Variants in NMT1 observed in about 807,000 individuals in gnomAD.
NMT1 encodes the protein glycylpeptide N-tetradecanoyltransferase 1.
A neutral mutation model predicts 63.4 loss-of-function variants in NMT1; 12 were observed. That is an observed-to-expected ratio of 0.19 (90% CI 0.12 to 0.31). The LOEUF is 0.31. NMT1 is among the 10% of genes least tolerant of loss of function. The pLI, the probability that NMT1 is intolerant of heterozygous loss-of-function variation, is 1.00. For missense variants in NMT1, 432 were observed against 634.6 expected, an observed-to-expected ratio of 0.68 and a Z score of 3.43; for synonymous variants, 228 against 234.3, an observed-to-expected ratio of 0.97 and a Z score of 0.25.
intron 3 of NMT1, among the ~76,000 whole-genome samples, chr17:45,093,476 T>G (rs761969065): frequency 3.9e-5 from 6 of 152,178 alleles, no homozygotes; most frequent in Non-Finnish European, 7.4e-5. Flanking sequence ...TGGATCCCAG[T>G]GATTGTCCTG....
At chr17:45,090,070 C>T (rs185120022) in intron 3 of NMT1, among the ~76,000 whole-genome samples, 1 of 152,006 alleles carries the variant, frequency 6.6e-6, no homozygotes, top group African/African-American at 2.4e-5. Context: ...ATTGCTTGAG[C>T]CCAGCAGCTC....
chr17:45,073,131 G>A (rs748556838), intron 1 of NMT1, among the ~76,000 whole-genome samples: 6 of 151,976 alleles, frequency 3.9e-5, no homozygotes, highest in Admixed American at 1.3e-4. Flanking sequence ...AGCTGTATAA[G>A]ATGTAGTCTG....
chr17:45,062,206 CA>C (rs1352243130), intron 1 of NMT1, among the ~76,000 whole-genome samples: 1 of 152,168 alleles, frequency 6.6e-6, no homozygotes, highest in African/African-American at 2.4e-5. Context: ...AGGGTCTTGC[CA>C]TTAGTTACTA....
chr17:45,067,576 C>T (rs1487209753), intron 1 of NMT1, among the ~76,000 whole-genome samples: 3 of 152,036 alleles, frequency 2.0e-5, no homozygotes, highest in Admixed American at 2.0e-4. Flanking sequence ...TTTTTTTCTT[C>T]AGCTTCTCCA....
chr17:45,108,607 AG>A lies in NMT1; in HGVS notation c.*2972del, dbSNP rs2054219476. 6.6e-6 allele frequency: 1 copy of A among 152,664 alleles called. No individual in the cohort carries two copies. The highest frequency in any genetic ancestry group is 1.9e-4 in the East Asian group (1 of 5,188). 9.5% of individuals were successfully genotyped at this position (152,664 alleles called of 1,614,324 possible). The stretch of plus-strand genomic sequence containing the variant: ...CATGGAGCTGCACTCTAGGAGAAGG[AG>A]GGGAACCAGATGTTAGATCAGGGGA... On this transcript the variant is annotated 3_prime_UTR_variant, in exon 12 of 12. Coordinates refer to ENST00000258960, the MANE Select transcript of NMT1 (RefSeq NM_021079.5).
intron 7 of NMT1, among the ~76,000 whole-genome samples, 157 bp from the exon 8 acceptor site, chr17:45,099,248 G>A (rs778106946): frequency 6.6e-6 from 1 of 152,206 alleles, no homozygotes; most frequent in African/African-American, 2.4e-5. Flanking sequence ...ACTCACTGTG[G>A]GGAGGGGGAG....
rs554772074 is a variant in NMT1, at chr17:45,105,554, G to T, written c.1471-65G>T. ...CAGCCACTCGGAACTTCAGGGATAG[G>T]GGGTGTGGGAGAGTCTTTGGGCCAC... On this transcript the variant is annotated intron_variant, in intron 11 of 11. Transcript: ENST00000258960. This position sits in a 1 kb window ranked among gnomAD's most constrained non-coding sequence, Gnocchi z 4.2. The T allele has an allele frequency of 4.2e-5, 66 of 1,583,988 alleles. No individual in the cohort carries two copies. The East Asian group carries it at 6.3e-4, about 15-fold the overall frequency.
Position 45,108,208 on chromosome 17 carries a change from A to ACCCAG in NMT1, c.*2569_*2570insCCCAG, listed in dbSNP as rs1300740579. ...CTGCCACCCAGTCCTCCCAGCTGCC[A>ACCCAG]TGTTTCAAAGACGACCTTTACCTCC... On this transcript the variant is annotated 3_prime_UTR_variant, in exon 12 of 12. Coordinates refer to ENST00000258960, the MANE Select transcript of NMT1 (RefSeq NM_021079.5). The ACCCAG allele has an allele frequency of 6.6e-6, 1 of 152,480 alleles. No individual in the cohort carries two copies. Among genetic ancestry groups the ACCCAG allele is most frequent in the Admixed American group, 6.5e-5 (1 of 15,280 alleles). 9.4% of individuals were successfully genotyped at this position (152,480 alleles called of 1,614,324 possible). A position where few individuals can be genotyped will look rare whatever the true frequency, so the allele number is the denominator to read the frequency against.
chr17:45,074,243 CT>C (rs2143465479), intron 1 of NMT1, among the ~76,000 whole-genome samples: 1 of 143,596 alleles, frequency 7.0e-6, no homozygotes, highest in Admixed American at 7.1e-5. Flanking sequence ...GAGACAGAGT[CT>C]CGCTCAGTCG....
At chr17:45,074,835 T>A (rs1466308834) in intron 1 of NMT1, among the ~76,000 whole-genome samples, 5 of 152,204 alleles carry the variant, frequency 3.3e-5, no homozygotes, top group African/African-American at 1.2e-4. Context: ...GCAGCTTAGA[T>A]CTGTGAGAGA....
In NMT1 at chr17:45,106,675, C is replaced by G. The variant is rs780821197; in HGVS notation, c.*1036C>G. On this transcript the variant is annotated 3_prime_UTR_variant, in exon 12 of 12. Transcript: ENST00000258960. ...GTGGCGTGGGGCCAATACCCAGACC[C>G]CTTCAGCCACCAGCCCCTGGCCTGT... 6.5e-6 allele frequency: 1 copy of G among 152,728 alleles called. No individual in the cohort carries two copies. The highest frequency in any genetic ancestry group is 1.5e-5 in the Non-Finnish European group (1 of 68,092). 9.5% of individuals were successfully genotyped at this position (152,728 alleles called of 1,614,324 possible).
Position 45,086,678 on chromosome 17 carries a change from C to T in NMT1, c.385+26C>T, listed in dbSNP as rs530826316. 15 of 1,589,836 alleles carry T rather than the reference C, an allele frequency of 9.4e-6. No individual in the cohort carries two copies. In the East Asian group the frequency reaches 1.6e-4, roughly 17 times the overall value. On this transcript the variant is annotated intron_variant, in intron 3 of 11. Transcript: ENST00000258960. ...GTATGTACATGCTTGCTTTCTTTGCCAGGTCAGGGGCGAGGGATCTGCCTC... is the reference window on the plus strand; with the variant it reads ...GTATGTACATGCTTGCTTTCTTTGCTAGGTCAGGGGCGAGGGATCTGCCTC...
chr17:45,105,018 T>A lies in NMT1; in HGVS notation c.1470+22T>A. ...GAAGGTAGGCGACACATAGCCAGAG[T>A]CCAGGCTGCCCGGCCCAGGGTGTCC... On this transcript the variant is annotated intron_variant, in intron 11 of 11. Transcript: ENST00000258960. The surrounding 1 kb of genome is among the most constrained non-coding windows in gnomAD (Gnocchi z 4.2). The A allele has an allele frequency of 6.2e-7, 1 of 1,613,606 alleles. No homozygotes were observed. The highest frequency in any genetic ancestry group is 1.1e-5 in the South Asian group (1 of 91,052).
At chr17:45,065,112 G>A (rs1455979174) in intron 1 of NMT1, among the ~76,000 whole-genome samples, 1 of 152,104 alleles carries the variant, frequency 6.6e-6, no homozygotes, top group Non-Finnish European at 1.5e-5. Context: ...TGACAGTAAG[G>A]AGCATGTAAA....
intron 7 of NMT1, 44 bp from the exon 8 acceptor site, chr17:45,099,361 G>T: frequency 7.4e-7 from 1 of 1,356,136 alleles, no homozygotes; most frequent in Non-Finnish European, 1.1e-6. Context: ...CTTGTAATAG[G>T]GATTGGCCAG....
chr17:45,063,363 A>G (rs934431024), intron 1 of NMT1, among the ~76,000 whole-genome samples: 24 of 152,156 alleles, frequency 1.6e-4, no homozygotes, highest in African/African-American at 5.8e-4. Context: ...AAAATGGAAG[A>G]GCTGAGAAAG....
At chr17:45,064,987 CT>C (rs1280303524) in intron 1 of NMT1, among the ~76,000 whole-genome samples, 1 of 152,290 alleles carries the variant, frequency 6.6e-6, no homozygotes, top group African/African-American at 2.4e-5. Context: ...CAGCTTGCCC[CT>C]CTGCTCTTAT....
intron 1 of NMT1, among the ~76,000 whole-genome samples, chr17:45,065,493 G>A (rs941098536): frequency 2.0e-5 from 3 of 151,768 alleles, no homozygotes; most frequent in Admixed American, 6.6e-5. Flanking sequence ...GTGTGGTGGC[G>A]CATGCCTGTA....
rs2054184784 is a variant in NMT1, at chr17:45,103,883, A to G, written c.1332+7A>G. ...CCTTGTCCTCGCCAAAATGGTGAGG[A>G]GCAGACGGGGGGGTCTCTGGAGATG... On this transcript the variant is annotated splice_region_variant and intron_variant, in intron 10 of 11. Coordinates refer to ENST00000258960, the MANE Select transcript of NMT1 (RefSeq NM_021079.5). This position sits in a 1 kb window ranked among gnomAD's most constrained non-coding sequence, Gnocchi z 4.8. 2.5e-6 allele frequency: 4 copies of G among 1,613,536 alleles called. No homozygotes were observed. Among genetic ancestry groups the G allele is most frequent in the Non-Finnish European group, 3.4e-6 (4 of 1,180,000 alleles).
Sources: gnomAD v4.1 joint callset for allele counts (sites outside exome capture counted in the v4.1 genomes callset) on GRCh38, gnomAD v4.1.1 for gene constraint, Gnocchi (gnomAD v3.1) non-coding constraint, MANE v1.5 for transcripts, NCBI Gene and HGNC (gene_info 2026-07-23, HGNC 2026-07-21) for gene names.